Variants in AAGAB observed in about 807,000 individuals in gnomAD.
AAGAB encodes alpha- and gamma-adaptin-binding protein p34.
A neutral mutation model predicts 44.1 loss-of-function variants in AAGAB; 38 were observed. The observed-to-expected ratio is 0.86, with a 90% CI of 0.67 to 1.13. The LOEUF (loss-of-function observed/expected upper bound fraction) is 1.13, where lower values mean the gene tolerates loss of function less well. Ranked by LOEUF, AAGAB falls within the 50% of genes most tolerant of loss-of-function variation. AAGAB has a pLI of 0.00. For missense variants in AAGAB, 450 were observed against 373.8 expected, an observed-to-expected ratio of 1.20 and a Z score of -1.68; for synonymous variants, 131 against 131.8, an observed-to-expected ratio of 0.99 and a Z score of 0.04.
At chr15:67,226,398 G>A (rs555672797) in intron 5 of AAGAB, among the ~76,000 whole-genome samples, 49 of 152,166 alleles carry the variant, frequency 3.2e-4, no homozygotes, top group African/African-American at 1.1e-3. Flanking sequence ...CTGGGATTTC[G>A]GGCGTGAGAC....
chr15:67,244,903 A>T (rs895277425), intron 1 of AAGAB, among the ~76,000 whole-genome samples: 1 of 152,178 alleles, frequency 6.6e-6, no homozygotes, highest in Admixed American at 6.5e-5. Flanking sequence ...ACATGAAAAG[A>T]TACTCAACAT....
intron 5 of AAGAB, among the ~76,000 whole-genome samples, chr15:67,228,478 T>A (rs1009136519): frequency 6.6e-6 from 1 of 152,222 alleles, no homozygotes; most frequent in African/African-American, 2.4e-5. Context: ...AAATAACGGA[T>A]GTTGGTGAGG....
rs1964320700 is a variant in AAGAB at position 67,230,960 on chromosome 15, A to T, written c.535+854T>A. On this transcript the variant is annotated intron_variant, in intron 5 of 9. Transcript: ENST00000261880. Reference sequence around the variant, plus strand: ...TCACCAATTTTTACAGGAAAAAGCCAAAACTCTCCTGACTGGCATTCAGGC... The same window carrying T: ...TCACCAATTTTTACAGGAAAAAGCCTAAACTCTCCTGACTGGCATTCAGGC... 2.6e-5 allele frequency among the ~76,000 whole-genome samples: 4 copies of T among 152,318 alleles called. No homozygotes were observed. In the South Asian group the frequency reaches 8.3e-4, roughly 32 times the overall value.
chr15:67,254,794 C>T, upstream of AAGAB: 1 of 1,376,436 alleles, frequency 7.3e-7, no homozygotes, highest in Non-Finnish European at 1.0e-6. Flanking sequence ...GTGGAACAGG[C>T]CAGGTCGCGC....
chr15:67,213,143 GT>G (rs1424053583), intron 5 of AAGAB, among the ~76,000 whole-genome samples: 1 of 152,166 alleles, frequency 6.6e-6, no homozygotes, highest in African/African-American at 2.4e-5. Context: ...CAATTAGTAT[GT>G]TAAACTGTGG....
At chr15:67,248,925 C>A (rs1002158965) in intron 1 of AAGAB, among the ~76,000 whole-genome samples, 2 of 152,130 alleles carry the variant, frequency 1.3e-5, no homozygotes, top group Admixed American at 1.3e-4. Context: ...CTACTGCAAC[C>A]TTAAAATAAG....
At chr15:67,250,891 G>T (rs554505017) in intron 1 of AAGAB, among the ~76,000 whole-genome samples, 1 of 152,308 alleles carries the variant, frequency 6.6e-6, no homozygotes, top group African/African-American at 2.4e-5. Context: ...CCCGAGCTTG[G>T]TGGTGGGCGC....
rs905750369 is a variant in AAGAB, at chr15:67,236,620, A to G, written c.264+10T>C. ...TCTTATTCAAGCCTTCATAGAAAAC[A>G]AAGTCTTACTTGTGTGCTGTCAAAG... On this transcript the variant is annotated intron_variant, in intron 2 of 9. Transcript: ENST00000261880. 4 of 1,610,724 alleles carry G rather than the reference A, an allele frequency of 2.5e-6. No homozygotes were observed. The highest frequency in any genetic ancestry group is 1.7e-6 in the Non-Finnish European group (2 of 1,178,438).
In AAGAB at chr15:67,236,834, A is replaced by AC; in HGVS notation, c.74-15dup. 6.3e-7 allele frequency: 1 copy of AC among 1,590,498 alleles called. No individual in the cohort carries two copies. Among genetic ancestry groups the AC allele is most frequent in the Admixed American group, 1.7e-5 (1 of 57,474 alleles). ...TTCCAAGGATATCTAAAAATAAATG[A>AC]CAACATTACCATGTAAAGTGCAAAA... is the stretch of plus-strand genomic sequence containing the variant. On this transcript the variant is annotated splice_polypyrimidine_tract_variant and intron_variant, in intron 1 of 9. Coordinates refer to ENST00000261880, the MANE Select transcript of AAGAB (RefSeq NM_024666.5).
intron 5 of AAGAB, among the ~76,000 whole-genome samples, chr15:67,227,986 C>G (rs910565896): frequency 2.0e-5 from 3 of 152,142 alleles, no homozygotes; most frequent in Non-Finnish European, 2.9e-5. Flanking sequence ...GGGCAAAGAA[C>G]CATGAAAAAA....
At chr15:67,204,633 GA>G (rs943931373) in intron 7 of AAGAB, among the ~76,000 whole-genome samples, 2 of 150,422 alleles carry the variant, frequency 1.3e-5, no homozygotes, top group African/African-American at 4.9e-5. Flanking sequence ...GAAATGATAT[GA>G]AAAAAAAACC....
Position 67,254,598 on chromosome 15 carries a change from T to C in AAGAB, c.34A>G (p.Ser12Gly). The C allele has an allele frequency of 1.2e-6, 2 of 1,609,556 alleles. No individual in the cohort carries two copies. The highest frequency in any genetic ancestry group is 1.7e-6 in the Non-Finnish European group (2 of 1,179,002). Reference sequence around the variant, plus strand: ...TCTCCTGAGAAGACGGAGGAGCAGCTGGTGACTAACGCACAGGGTACGCCA... The same window carrying C: ...TCTCCTGAGAAGACGGAGGAGCAGCCGGTGACTAACGCACAGGGTACGCCA... The part of the protein sequence containing the change: ...AAGVPCALVT[S>G]CSSVFSGDQL... The change falls in exon 1 of 10, where the codon AGC becomes GGC. Residue 12 changes from serine to glycine, a missense_variant. By Grantham distance (56) the Ser-to-Gly change is moderately conservative. Coordinates refer to ENST00000261880, the MANE Select transcript of AAGAB (RefSeq NM_024666.5).
intron 5 of AAGAB, among the ~76,000 whole-genome samples, chr15:67,227,504 A>C (rs1215400981): frequency 6.6e-6 from 1 of 152,212 alleles, no homozygotes. Flanking sequence ...TTTAACCACA[A>C]TTTTAAAAAG....
At chr15:67,240,779 C>A (rs1337549310) in intron 1 of AAGAB, among the ~76,000 whole-genome samples, 2 of 152,158 alleles carry the variant, frequency 1.3e-5, no homozygotes, top group Non-Finnish European at 2.9e-5. Flanking sequence ...TTGAAGGAAG[C>A]CATGTGCCAA....
intron 5 of AAGAB, among the ~76,000 whole-genome samples, chr15:67,218,174 TTAATC>T (rs1338292929): frequency 6.6e-6 from 1 of 152,212 alleles, no homozygotes; most frequent in Admixed American, 6.5e-5. Context: ...TAACATTTGT[TTAATC>T]TAATCCCTCT....
At chr15:67,210,965 C>A (rs920995995) in intron 5 of AAGAB, among the ~76,000 whole-genome samples, 5 of 152,220 alleles carry the variant, frequency 3.3e-5, no homozygotes, top group Non-Finnish European at 5.9e-5. Context: ...GACCTACTCG[C>A]ATCTCTCTTT....
intron 4 of AAGAB, among the ~76,000 whole-genome samples, chr15:67,234,299 C>G (rs1201204887): frequency 6.6e-6 from 1 of 151,752 alleles, no homozygotes; most frequent in African/African-American, 2.4e-5. Context: ...AATACTCTAC[C>G]AAGATAAGTT....
intron 5 of AAGAB, among the ~76,000 whole-genome samples, chr15:67,221,717 G>C (rs1205502693): frequency 2.6e-5 from 4 of 152,172 alleles, no homozygotes; most frequent in Non-Finnish European, 4.4e-5. Context: ...AGAATCACTA[G>C]ATTAAATCAT....
chr15:67,251,502 C>G (rs1420010071), intron 1 of AAGAB, among the ~76,000 whole-genome samples: 1 of 152,130 alleles, frequency 6.6e-6, no homozygotes, highest in African/African-American at 2.4e-5. Context: ...GTGATCCTCC[C>G]GTCCTGGCCT....
Sources: allele counts gnomAD v4.1 joint callset (sites outside exome capture counted in the v4.1 genomes callset), GRCh38; gene constraint gnomAD v4.1.1; transcripts MANE v1.5; gene names NCBI Gene and HGNC (gene_info 2026-07-23, HGNC 2026-07-21).